MARCHF1: variants seen among roughly 807,000 people sequenced by gnomAD.
MARCHF1 encodes the protein E3 ubiquitin-protein ligase MARCHF1.
In MARCHF1, 40 loss-of-function variants were observed where a neutral mutation model predicts 54.2. The ratio of observed to expected loss-of-function variants is 0.74; its 90% CI spans 0.57 to 0.96. The LOEUF (loss-of-function observed/expected upper bound fraction) is 0.96. Ranked by LOEUF, MARCHF1 falls within the 40% of genes least tolerant of loss-of-function variation. The pLI is 0.00. For missense variants in MARCHF1, 586 were observed against 656.5 expected, an observed-to-expected ratio of 0.89 and a Z score of 1.17; for synonymous variants, 236 against 236.3, an observed-to-expected ratio of 1.00 and a Z score of 0.01.
At chr4:163,745,455 C>A (rs572231253) in intron 4 of MARCHF1, among the ~76,000 whole-genome samples, 1 of 151,976 alleles carries the variant, frequency 6.6e-6, no homozygotes, top group African/African-American at 2.4e-5. Context: ...GTAACATACT[C>A]GACCCCGCTG....
intron 4 of MARCHF1, among the ~76,000 whole-genome samples, chr4:163,739,536 G>A (rs909716100): frequency 3.3e-5 from 5 of 152,134 alleles, no homozygotes; most frequent in East Asian, 1.9e-4. Flanking sequence ...ATAAAAGAAC[G>A]CTAAACTGAA....
At chr4:164,331,565 C>G (rs1561005317) in intron 1 of MARCHF1, among the ~76,000 whole-genome samples, 1 of 152,160 alleles carries the variant, frequency 6.6e-6, no homozygotes, top group Non-Finnish European at 1.5e-5. Flanking sequence ...TAGCAGAGTT[C>G]ACTTCTTTCT....
At chr4:163,944,133 A>AT (rs5863642) in intron 3 of MARCHF1, among the ~76,000 whole-genome samples, 43 of 110,098 alleles carry the variant, frequency 3.9e-4, no homozygotes, top group African/African-American at 1.3e-3. Flanking sequence ...CACCGGGCTA[A>AT]TTTTTTTTTT....
chr4:163,535,074 T>A (rs1185438446), intron 9 of MARCHF1, among the ~76,000 whole-genome samples: 2 of 152,084 alleles, frequency 1.3e-5, no homozygotes, highest in African/African-American at 4.8e-5. Flanking sequence ...TTAAAAAATG[T>A]TGTTCTACTT....
At chr4:163,746,938 G>A in intron 4 of MARCHF1, among the ~76,000 whole-genome samples, 1 of 152,272 alleles carries the variant, frequency 6.6e-6, no homozygotes, top group Non-Finnish European at 1.5e-5. Context: ...GGAGACGTAA[G>A]TTGACCACTG....
chr4:163,842,738 T>C (rs1749376151), intron 4 of MARCHF1, among the ~76,000 whole-genome samples: 1 of 152,208 alleles, frequency 6.6e-6, no homozygotes, highest in Non-Finnish European at 1.5e-5. Flanking sequence ...CCCTGTGTTT[T>C]GTAAAGTGAG....
chr4:164,224,740 T>A (rs1181989343), intron 1 of MARCHF1, among the ~76,000 whole-genome samples: 2 of 152,064 alleles, frequency 1.3e-5, no homozygotes, highest in Non-Finnish European at 2.9e-5. Flanking sequence ...AATATTTTAA[T>A]ATAGTGCAAT....
At chr4:164,152,460 A>G (rs902330269) in intron 1 of MARCHF1, among the ~76,000 whole-genome samples, 1 of 152,102 alleles carries the variant, frequency 6.6e-6, no homozygotes. Context: ...ATTTGATCCT[A>G]TATATTGTGA....
rs575672769 is a variant in MARCHF1 at position 164,095,533 on chromosome 4, A to G, written c.-248+16055T>C. Among the ~76,000 whole-genome samples, 13 of 152,182 alleles carry G rather than the reference A, an allele frequency of 8.5e-5. No homozygotes were observed. The South Asian group carries it at 2.5e-3, about 29-fold the overall frequency. Reference sequence around the variant, plus strand: ...CCTTCTCAGCATTTATTGTGTCAAGAGTATGAAATAAAATGATGTATATTT... The same window carrying G: ...CCTTCTCAGCATTTATTGTGTCAAGGGTATGAAATAAAATGATGTATATTT... On this transcript the variant is annotated intron_variant, in intron 2 of 9. Transcript: ENST00000514618.
chr4:163,629,171 A>G (rs537057501), intron 5 of MARCHF1, among the ~76,000 whole-genome samples: 3 of 152,354 alleles, frequency 2.0e-5, no homozygotes, highest in African/African-American at 7.2e-5. Context: ...GCAAGGCTAC[A>G]GTAACCAAAA....
intron 5 of MARCHF1, among the ~76,000 whole-genome samples, chr4:163,628,503 T>A (rs1212863103): frequency 6.6e-6 from 1 of 152,174 alleles, no homozygotes; most frequent in East Asian, 1.9e-4. Flanking sequence ...AAGGATGCCC[T>A]TTCTCACCAC....
At chr4:164,269,291 A>G (rs1055760024) in intron 1 of MARCHF1, among the ~76,000 whole-genome samples, 2 of 152,108 alleles carry the variant, frequency 1.3e-5, no homozygotes, top group Admixed American at 1.3e-4. Context: ...AGGTGTCTCT[A>G]TAATAGGACC....
At chr4:163,634,186 A>G (rs893726138) in intron 5 of MARCHF1, among the ~76,000 whole-genome samples, 4 of 152,126 alleles carry the variant, frequency 2.6e-5, no homozygotes, top group Non-Finnish European at 5.9e-5. Context: ...AAACTGCATC[A>G]ACTAATGAGC....
At chr4:164,337,563 G>A (rs1377230566) in intron 1 of MARCHF1, among the ~76,000 whole-genome samples, 1 of 152,210 alleles carries the variant, frequency 6.6e-6, no homozygotes, top group African/African-American at 2.4e-5. Flanking sequence ...GGGAAAAGAG[G>A]TCATATTCCT....
chr4:164,349,077 G>A lies in MARCHF1; in HGVS notation c.-323+34793C>T, dbSNP rs189764467. On this transcript the variant is annotated intron_variant, in intron 1 of 9. Transcript: ENST00000514618. ...TACTGATGCACACAGAACAGGGTCG[G>A]GTAACGGTGGAGGAGGGAAAATTAG... Among the ~76,000 whole-genome samples the A allele has an allele frequency of 4.0e-3, 610 of 152,200 alleles. 7 individuals carry two copies. The highest frequency in any genetic ancestry group is 0.014 in the African/African-American group (562 of 41,514).
chr4:163,613,378 T>A lies in MARCHF1; in HGVS notation c.178A>T (p.Thr60Ser). The change falls in exon 6 of 10, where the codon ACA (threonine) becomes TCA (serine). Residue 60 changes from threonine (T) to serine (S), a missense_variant. By Grantham distance (58) the Thr-to-Ser change is moderately conservative. Coordinates refer to ENST00000514618, the MANE Select transcript of MARCHF1 (RefSeq NM_001394959.1). ...SNISKASSPT[T>S]GTAPRSQSRL... ...GACTGGCTCCTGGGAGCTGTCCCTG[T>A]TGTTGGGCTGCTTGCCTGGAGAAAC... 6.2e-7 allele frequency: 1 copy of A among 1,613,346 alleles called. No individual in the cohort carries two copies. Among genetic ancestry groups the A allele is most frequent in the Non-Finnish European group, 8.5e-7 (1 of 1,179,540 alleles).
intron 7 of MARCHF1, among the ~76,000 whole-genome samples, chr4:163,597,905 C>A (rs1005846096): frequency 3.9e-5 from 6 of 152,126 alleles, no homozygotes; most frequent in Admixed American, 2.0e-4. Flanking sequence ...TATAAACTTG[C>A]AGGTGCCAAC....
chr4:164,371,642 T>C (rs1028582477), intron 1 of MARCHF1, among the ~76,000 whole-genome samples: 2 of 152,126 alleles, frequency 1.3e-5, no homozygotes, highest in South Asian at 2.1e-4. Context: ...GAAAAGATGC[T>C]CAATAGCACC....
chr4:163,637,735 A>G (rs1302417340), intron 5 of MARCHF1, among the ~76,000 whole-genome samples: 26 of 150,668 alleles, frequency 1.7e-4, no homozygotes, highest in African/African-American at 6.2e-4. Flanking sequence ...CAGCCATCCC[A>G]TTACTGGGTA....
Sources: allele counts gnomAD v4.1 joint callset (sites outside exome capture counted in the v4.1 genomes callset), GRCh38; gene constraint gnomAD v4.1.1; transcripts MANE v1.5; gene names NCBI Gene and HGNC (gene_info 2026-07-23, HGNC 2026-07-21).